INTS3: variants seen among roughly 807,000 people sequenced by gnomAD.
INTS3 encodes SOSS complex subunit A.
In INTS3, 34 loss-of-function variants were observed where a neutral mutation model predicts 146.3. That is an observed-to-expected ratio of 0.23 (90% CI 0.18 to 0.31). The LOEUF is 0.31. Ranked by LOEUF, INTS3 falls within the 10% of genes least tolerant of loss-of-function variation. The probability of loss-of-function intolerance (pLI) is 1.00; values close to 1 mark genes in which losing one functional copy is unlikely to be tolerated. For synonymous variants in INTS3, 475 were observed against 494.9 expected (o/e 0.96, Z 0.53); for missense variants, 757 against 1,304.2 (o/e 0.58, Z 6.46).
chr1:153,760,482 A>G (rs1033667015), intron 12 of INTS3, 92 bp downstream of exon 12: 3 of 1,078,246 alleles, frequency 2.8e-6, no homozygotes, highest in Admixed American at 1.9e-5. Flanking sequence ...TCTTCTCGGT[A>G]TGCCTTGACT....
chr1:153,770,148 TG>T, intron 23 of INTS3, 49 bp from the exon 24 acceptor site: 1 of 873,378 alleles, frequency 1.1e-6, no homozygotes, highest in Non-Finnish European at 1.9e-6. Context: ...TGTGTGTGTG[TG>T]TGTTCGTTTG....
In INTS3 at chr1:153,747,087, A is replaced by AAG; in HGVS notation, c.432+19_432+20dup. ...CGTACTCAGGTAAGGCCAGAAAGAA[A>AAG]AGACAAGATCCAGCTCAAAGAGAGA... On this transcript the variant is annotated intron_variant, in intron 4 of 29. Transcript: ENST00000318967. 1 of 1,557,782 alleles carries AAG rather than the reference A, an allele frequency of 6.4e-7. No individual in the cohort carries two copies. Among genetic ancestry groups the AAG allele is most frequent in the Non-Finnish European group, 8.9e-7 (1 of 1,129,314 alleles).
chr1:153,745,588 AG>A (rs1461085694), intron 3 of INTS3, among the ~76,000 whole-genome samples: 1 of 151,682 alleles, frequency 6.6e-6, no homozygotes, highest in Non-Finnish European at 1.5e-5. Flanking sequence ...CAGCAGGCTA[AG>A]GAAGTTGCTA....
At position 153,728,064 on chromosome 1, in the gene INTS3, C is replaced by G. The variant is rs1323887047; in HGVS notation, c.-571C>G. On this transcript the variant is annotated 5_prime_UTR_variant, in exon 1 of 30. Transcript: ENST00000318967. Reference sequence around the variant, plus strand: ...CCCCGCCCTCCGCCTTCCCACCCCCCGCCCTTCCACTATGGCCGCTTCTGT... The same window carrying G: ...CCCCGCCCTCCGCCTTCCCACCCCCGGCCCTTCCACTATGGCCGCTTCTGT... The G allele has an allele frequency of 2.1e-5, 4 of 192,320 alleles. No homozygotes were observed. The highest frequency in any genetic ancestry group is 4.1e-5 in the Non-Finnish European group (4 of 97,088). The allele number at this position is 192,320 out of a possible 1,614,324, so 11.9% of individuals were successfully genotyped here. A position where few individuals can be genotyped will look rare whatever the true frequency, so the allele number is the denominator to read the frequency against.
intron 8 of INTS3, among the ~76,000 whole-genome samples, chr1:153,752,768 T>G (rs927587441): frequency 2.0e-5 from 3 of 152,096 alleles, no homozygotes. Flanking sequence ...AGAGGTCAAC[T>G]CGTGAGACTG....
At chr1:153,764,260 C>G (rs1672492936) in intron 18 of INTS3, 39 bp downstream of exon 18, 2 of 1,402,130 alleles carry the variant, frequency 1.4e-6, no homozygotes, top group African/African-American at 2.8e-5. Flanking sequence ...CCTCAGGAGC[C>G]AGAGGGTGCT....
At chr1:153,750,945 T>G (rs1342192794) in intron 6 of INTS3, 150 bp from the exon 7 acceptor site, 1 of 696,122 alleles carries the variant, frequency 1.4e-6, no homozygotes, top group South Asian at 2.0e-5. Flanking sequence ...GATACTAGCA[T>G]GAGTGAGCAA....
intron 9 of INTS3, among the ~76,000 whole-genome samples, chr1:153,755,630 T>A (rs1271883541): frequency 1.3e-5 from 2 of 152,200 alleles, no homozygotes; most frequent in African/African-American, 4.8e-5. Context: ...ACTGCTTTCC[T>A]AATCAGCTTT....
intron 8 of INTS3, among the ~76,000 whole-genome samples, chr1:153,754,088 A>G (rs1364231859): frequency 1.3e-5 from 2 of 151,570 alleles, no homozygotes. Flanking sequence ...GGTGTGAGCC[A>G]CCATGCTGGT....
intron 7 of INTS3, chr1:153,752,070 C>T (rs1671978675): frequency 1.7e-6 from 1 of 581,358 alleles, no homozygotes; most frequent in Non-Finnish European, 3.0e-6. Context: ...TCCCACTAAC[C>T]TCTCATCCTT....
At chr1:153,742,495 TG>T (rs1456591082) in intron 3 of INTS3, among the ~76,000 whole-genome samples, 1 of 151,918 alleles carries the variant, frequency 6.6e-6, no homozygotes, top group Non-Finnish European at 1.5e-5. Context: ...TGTGTGTGTG[TG>T]TGTGTGTGTG....
In INTS3 at chr1:153,772,563, A is replaced by C; in HGVS notation, c.2822-76A>C. On this transcript the variant is annotated intron_variant, in intron 27 of 29. Coordinates refer to ENST00000318967, the MANE Select transcript of INTS3 (RefSeq NM_023015.5). The surrounding 1 kb of genome is among the most constrained non-coding windows in gnomAD (Gnocchi z 4.6). ...CACAACCCACACTCGGGATAAAACA[A>C]CCTGTGCGTGCTGTTTAATAAGCTC... 6.2e-7 allele frequency: 1 copy of C among 1,611,388 alleles called. No homozygotes were observed. Among genetic ancestry groups the C allele is most frequent in the South Asian group, 1.1e-5 (1 of 90,852 alleles).
chr1:153,764,082 A>AG, intron 17 of INTS3, 36 bp from the exon 18 acceptor site: 2 of 1,535,544 alleles, frequency 1.3e-6, no homozygotes, highest in Non-Finnish European at 1.8e-6. Context: ...GCTTGGGTGT[A>AG]GGTAGTGACT....
In INTS3 at chr1:153,763,804, G is replaced by A. The variant is rs41265187; in HGVS notation, c.1767-28G>A. 32,168 of 1,606,476 alleles carry A rather than the reference G, an allele frequency of 0.02. 378 individuals carry two copies. The highest frequency in any genetic ancestry group is 0.024 in the Non-Finnish European group (28,330 of 1,174,000). Reference sequence around the variant, plus strand: ...GCCCTCTGCTATCATTTATGTCCCTGGGATTTCCTCTCATTTCTGTCCTGC... The same window carrying A: ...GCCCTCTGCTATCATTTATGTCCCTAGGATTTCCTCTCATTTCTGTCCTGC... On this transcript the variant is annotated intron_variant, in intron 16 of 29. Transcript: ENST00000318967.
intron 1 of INTS3, among the ~76,000 whole-genome samples, chr1:153,736,991 T>C (rs1184991738): frequency 6.7e-6 from 1 of 150,096 alleles, no homozygotes; most frequent in Non-Finnish European, 1.5e-5. Flanking sequence ...ATGGTCTCTA[T>C]CTCCTGACCT....
At chr1:153,771,491 G>A (rs560054478) in intron 25 of INTS3, among the ~76,000 whole-genome samples, 2 of 152,228 alleles carry the variant, frequency 1.3e-5, no homozygotes, top group Admixed American at 1.3e-4. Flanking sequence ...ACATGCTTGT[G>A]CTTCTGCCTC....
At chr1:153,763,988 C>T in intron 17 of INTS3, 102 bp downstream of exon 17, 1 of 1,305,560 alleles carries the variant, frequency 7.7e-7, no homozygotes, top group South Asian at 1.2e-5. Context: ...CTAGATGAGT[C>T]CCTCTTATAG....
rs775325213 is a variant in INTS3 at position 153,774,261 on chromosome 1, A to C, written c.*991A>C. The C allele has an allele frequency of 6.6e-6, 1 of 152,072 alleles. No homozygotes were observed. The highest frequency in any genetic ancestry group is 1.5e-5 in the Non-Finnish European group (1 of 68,050). The allele number at this position is 152,072 out of a possible 1,614,324, so 9.4% of individuals were successfully genotyped here. Reference sequence around the variant, plus strand: ...TACCCATCCTTCCTGCTGCCACTGGAGGTGGGAGCCAGGCACTGATCTGTC... The same window carrying C: ...TACCCATCCTTCCTGCTGCCACTGGCGGTGGGAGCCAGGCACTGATCTGTC... On this transcript the variant is annotated 3_prime_UTR_variant, in exon 30 of 30. Coordinates refer to ENST00000318967, the MANE Select transcript of INTS3 (RefSeq NM_023015.5).
chr1:153,742,869 G>T lies in INTS3; in HGVS notation c.318+1501G>T, dbSNP rs1671590605. Among the ~76,000 whole-genome samples, 5 of 152,202 alleles carry T rather than the reference G, an allele frequency of 3.3e-5. No homozygotes were observed. In the South Asian group the frequency reaches 1.0e-3, roughly 31 times the overall value. ...TGGGGAAGTGAAGCATTTGCCTCGG[G>T]TCTCATAGCTGGTTGACACCTTTGC... is the stretch of plus-strand genomic sequence containing the variant. On this transcript the variant is annotated intron_variant, in intron 3 of 29. Transcript: ENST00000318967.
Sources: allele counts gnomAD v4.1 joint callset (sites outside exome capture counted in the v4.1 genomes callset), GRCh38; gene constraint gnomAD v4.1.1; non-coding constraint Gnocchi (gnomAD v3.1); transcripts MANE v1.5; gene names NCBI Gene and HGNC (gene_info 2026-07-23, HGNC 2026-07-21).